The following ACAP1 variants were observed in gnomAD, a reference collection of about 807,000 sequenced individuals.
ACAP1 encodes arf-GAP with coiled-coil, ANK repeat and PH domain-containing protein 1.
Under a neutral mutation model 98.8 loss-of-function variants are expected in ACAP1, and 45 were observed. That is an observed-to-expected ratio of 0.46 (90% CI 0.36 to 0.58). The LOEUF is 0.58. Ranked by LOEUF, ACAP1 falls within the 20% of genes least tolerant of loss-of-function variation. The pLI, the probability that ACAP1 is intolerant of heterozygous loss-of-function variation, is 0.00. For missense variants in ACAP1, 735 were observed against 971.4 expected (o/e 0.76, Z 3.24); for synonymous variants, 362 against 375.3 (o/e 0.96, Z 0.41).
At chr17:7,340,301 C>T (rs2073263519) in intron 2 of ACAP1, among the ~76,000 whole-genome samples, 1 of 152,104 alleles carries the variant, frequency 6.6e-6, no homozygotes, top group Non-Finnish European at 1.5e-5. Context: ...AAGATGAATG[C>T]TCTTGAAGTT....
At chr17:7,341,879 GCAGGTGTGGGGGCATCAC>G in intron 2 of ACAP1, 51 bp from the exon 3 acceptor site, 2 of 1,594,688 alleles carry the variant, frequency 1.3e-6, no homozygotes, top group Non-Finnish European at 1.7e-6. Flanking sequence ...AGGAAGTGGG[GCAGGTGTGGGGGCATCAC>G]CAGGTGTGAG....
intron 2 of ACAP1, among the ~76,000 whole-genome samples, chr17:7,340,714 C>T (rs570083845): frequency 2.0e-5 from 3 of 152,032 alleles, no homozygotes; most frequent in East Asian, 1.9e-4. Context: ...GGCGTGGTGG[C>T]GGGCACCTGT....
In ACAP1 at chr17:7,351,012, C is replaced by T. The variant is rs369831718; in HGVS notation, c.2122+13C>T. 6.2e-7 allele frequency: 1 copy of T among 1,612,038 alleles called. No homozygotes were observed. Among genetic ancestry groups the T allele is most frequent in the Non-Finnish European group, 8.5e-7 (1 of 1,178,186 alleles). On this transcript the variant is annotated intron_variant, in intron 21 of 21. Coordinates refer to ENST00000158762, the MANE Select transcript of ACAP1 (RefSeq NM_014716.4). Reference sequence around the variant, plus strand: ...CAGGGGCAGGCAGGTAAAGAATACACCCACCCCACCCCCCAGGCCCAACAC... The same window carrying T: ...CAGGGGCAGGCAGGTAAAGAATACATCCACCCCACCCCCCAGGCCCAACAC...
chr17:7,343,490 A>T lies in ACAP1; in HGVS notation c.456A>T (p.Ala152=). The T allele has an allele frequency of 6.2e-7, 1 of 1,614,078 alleles. No individual in the cohort carries two copies. The highest frequency in any genetic ancestry group is 8.5e-7 in the Non-Finnish European group (1 of 1,179,988). Residue 152 remains alanine, a synonymous_variant, in exon 6 of 22, where the codon GCA becomes GCT. Transcript: ENST00000158762. The surrounding 1 kb of genome is among the most constrained non-coding windows in gnomAD (Gnocchi z 4.9). The stretch of plus-strand genomic sequence containing the variant: ...TTCCCAGGCGCCGGGCCCAGGAGGC[A>T]GAAGAGGCAGGAGCTGCTTTGAGGA... The part of the protein sequence containing the change: ...AEVPRRRAQE[A]EEAGAALRTA...
chr17:7,350,438 G>T lies in ACAP1; in HGVS notation c.2072+201G>T, dbSNP rs187981859. The T allele has an allele frequency of 8.7e-4, 515 of 588,824 alleles. 1 individual carries two copies. The highest frequency in any genetic ancestry group is 8.6e-3 in the African/African-American group (459 of 53,550). The allele number at this position is 588,824 out of a possible 1,614,324, so 36.5% of individuals were successfully genotyped here. A position where few individuals can be genotyped will look rare whatever the true frequency, so the allele number is the denominator to read the frequency against. ...TGGGACGTGGAGTAGAAGGCAGGCGGGAGGGCGGGCAGGGTGCAAGGATGC... is the reference window on the plus strand; with the variant it reads ...TGGGACGTGGAGTAGAAGGCAGGCGTGAGGGCGGGCAGGGTGCAAGGATGC... On this transcript the variant is annotated intron_variant, in intron 20 of 21. Coordinates refer to ENST00000158762, the MANE Select transcript of ACAP1 (RefSeq NM_014716.4). The surrounding 1 kb of genome is among the most constrained non-coding windows in gnomAD (Gnocchi z 4.6).
chr17:7,348,824 C>T, intron 17 of ACAP1, 171 bp from the exon 18 acceptor site: 1 of 638,572 alleles, frequency 1.6e-6, no homozygotes, highest in Non-Finnish European at 2.7e-6. Context: ...CGTACACATG[C>T]ATACGCATAC....
At position 7,344,508 on chromosome 17, in the gene ACAP1, C is replaced by T. The variant is rs1295288537; in HGVS notation, c.745-31C>T. 5 of 1,497,650 alleles carry T rather than the reference C, an allele frequency of 3.3e-6. No homozygotes were observed. Among genetic ancestry groups the T allele is most frequent in the Non-Finnish European group, 4.5e-6 (5 of 1,099,062 alleles). 92.8% of individuals were successfully genotyped at this position (1,497,650 alleles called of 1,614,324 possible). ...CTATGGCCTTGGTGTCTGCCCATCT[C>T]AGTTGCCCTTTGATCCTCTTGTGCC... On this transcript the variant is annotated intron_variant, in intron 9 of 21. Coordinates refer to ENST00000158762, the MANE Select transcript of ACAP1 (RefSeq NM_014716.4). The surrounding 1 kb of genome is among the most constrained non-coding windows in gnomAD (Gnocchi z 4.9).
In ACAP1 at chr17:7,346,301, T is replaced by C. The variant is rs751960846; in HGVS notation, c.906+6T>C. The C allele has an allele frequency of 1.1e-5, 17 of 1,614,064 alleles. No homozygotes were observed. Among genetic ancestry groups the C allele is most frequent in the Admixed American group, 3.3e-5 (2 of 59,998 alleles). Reference sequence around the variant, plus strand: ...TTTACCAGAAGAAGTACAAGGTGAGTGGACCTGGGTCCTGGATGCCTGGGC... The same window carrying C: ...TTTACCAGAAGAAGTACAAGGTGAGCGGACCTGGGTCCTGGATGCCTGGGC... On this transcript the variant is annotated splice_donor_region_variant and intron_variant, in intron 11 of 21. Coordinates refer to ENST00000158762, the MANE Select transcript of ACAP1 (RefSeq NM_014716.4).
chr17:7,343,300 A>C lies in ACAP1; in HGVS notation c.345-79A>C. 1 of 1,457,824 alleles carries C rather than the reference A, an allele frequency of 6.9e-7. No homozygotes were observed. Among genetic ancestry groups the C allele is most frequent in the African/African-American group, 1.4e-5 (1 of 70,924 alleles). 90.3% of individuals were successfully genotyped at this position (1,457,824 alleles called of 1,614,324 possible). ...CGTTGCAGAGACTAACTGAAAGGAC[A>C]TGAGGGCTTTACCCTGGGAATGCTC... On this transcript the variant is annotated intron_variant, in intron 5 of 21. Coordinates refer to ENST00000158762, the MANE Select transcript of ACAP1 (RefSeq NM_014716.4). The surrounding 1 kb of genome is among the most constrained non-coding windows in gnomAD (Gnocchi z 4.9).
Position 7,343,487 on chromosome 17 carries a change from G to C in ACAP1, c.453G>C (p.Glu151Asp). 1 of 1,614,136 alleles carries C rather than the reference G, an allele frequency of 6.2e-7. No homozygotes were observed. The highest frequency in any genetic ancestry group is 1.1e-5 in the South Asian group (1 of 91,086). Residue 151 changes from glutamate (E) to aspartate (D), a missense_variant, in exon 6 of 22, where the codon GAG becomes GAC. Glu to Asp is a conservative substitution (Grantham distance 45). Transcript: ENST00000158762. This position sits in a 1 kb window ranked among gnomAD's most constrained non-coding sequence, Gnocchi z 4.9. ...NAEVPRRRAQEAEEAGAALRT... is the reference protein window; with the variant it reads ...NAEVPRRRAQDAEEAGAALRT... Reference sequence around the variant, plus strand: ...AGGTTCCCAGGCGCCGGGCCCAGGAGGCAGAAGAGGCAGGAGCTGCTTTGA... The same window carrying C: ...AGGTTCCCAGGCGCCGGGCCCAGGACGCAGAAGAGGCAGGAGCTGCTTTGA...
chr17:7,343,403 T>C lies in ACAP1; in HGVS notation c.369T>C (p.Ala123=). ...VKEGLRGFRE[A]RRDFWRGAES... ...GAGGTCTGCGGGGTTTCCGAGAGGC[T>C]CGCCGGGATTTCTGGCGGGGGGCTG... The change falls in exon 6 of 22, where the codon GCT becomes GCC. Residue 123 remains alanine, a synonymous_variant. Transcript: ENST00000158762. The surrounding 1 kb of genome is among the most constrained non-coding windows in gnomAD (Gnocchi z 4.9). 6.2e-7 allele frequency: 1 copy of C among 1,613,468 alleles called. No individual in the cohort carries two copies. Among genetic ancestry groups the C allele is most frequent in the Non-Finnish European group, 8.5e-7 (1 of 1,179,852 alleles).
chr17:7,343,304 G>A lies in ACAP1; in HGVS notation c.345-75G>A. 7 of 1,476,828 alleles carry A rather than the reference G, an allele frequency of 4.7e-6. No homozygotes were observed. The highest frequency in any genetic ancestry group is 6.4e-6 in the Non-Finnish European group (7 of 1,086,168). The allele number at this position is 1,476,828 out of a possible 1,614,324, so 91.5% of individuals were successfully genotyped here. A position where few individuals can be genotyped will look rare whatever the true frequency, so the allele number is the denominator to read the frequency against. On this transcript the variant is annotated intron_variant, in intron 5 of 21. Coordinates refer to ENST00000158762, the MANE Select transcript of ACAP1 (RefSeq NM_014716.4). The surrounding 1 kb of genome is among the most constrained non-coding windows in gnomAD (Gnocchi z 4.9). Reference sequence around the variant, plus strand: ...GCAGAGACTAACTGAAAGGACATGAGGGCTTTACCCTGGGAATGCTCTGCT... The same window carrying A: ...GCAGAGACTAACTGAAAGGACATGAAGGCTTTACCCTGGGAATGCTCTGCT...
chr17:7,348,283 TGC>T (rs761593200), intron 16 of ACAP1, 21 bp from the exon 17 acceptor site: 5 of 1,601,764 alleles, frequency 3.1e-6, no homozygotes, highest in Non-Finnish European at 4.3e-6. Flanking sequence ...GAGGGAAGAC[TGC>T]GTGCTTCTCC....
Position 7,348,214 on chromosome 17 carries a change from TG to T in ACAP1, c.1502del (p.Cys501SerfsTer20), listed in dbSNP as rs1357102217. 1 of 1,613,616 alleles carries T rather than the reference TG, an allele frequency of 6.2e-7. No homozygotes were observed. The highest frequency in any genetic ancestry group is 8.5e-7 in the Non-Finnish European group (1 of 1,179,814). ...GGCAGTGAAGAAACCAGGGCCCAGC[TG>T]CTCCCGGTGAGCTTGGGGTTTAGCC... ...AMAVKKPGPSCSRQEKEAWIH... is the reference protein window; with the variant it reads ...AMAVKKPGPSXSRQEKEAWIH... On this transcript the variant is annotated frameshift_variant, in exon 16 of 22. Coordinates refer to ENST00000158762, the MANE Select transcript of ACAP1 (RefSeq NM_014716.4). LOFTEE classifies it high-confidence loss of function.
chr17:7,338,072 G>C (rs1567627441), intron 2 of ACAP1, among the ~76,000 whole-genome samples: 1 of 152,004 alleles, frequency 6.6e-6, no homozygotes, highest in African/African-American at 2.4e-5. Flanking sequence ...ACACTCAAAT[G>C]CTCTCTCATT....
intron 14 of ACAP1, 180 bp from the exon 15 acceptor site, chr17:7,347,742 C>CTA: frequency 3.3e-6 from 2 of 607,936 alleles, no homozygotes; most frequent in Non-Finnish European, 5.9e-6. Context: ...CAGAGTCCTG[C>CTA]CAGGGCCAGG....
chr17:7,348,095 CCT>C, intron 15 of ACAP1, 30 bp from the exon 16 acceptor site: 1 of 1,613,116 alleles, frequency 6.2e-7, no homozygotes, highest in Non-Finnish European at 8.5e-7. Flanking sequence ...CCCCACCTTC[CCT>C]GTCTCTGCCT....
Position 7,342,075 on chromosome 17 carries a change from G to A in ACAP1, c.231+8G>A, listed in dbSNP as rs764093338. 5.0e-6 allele frequency: 8 copies of A among 1,613,702 alleles called. No homozygotes were observed. The highest frequency in any genetic ancestry group is 6.8e-6 in the Non-Finnish European group (8 of 1,179,880). On this transcript the variant is annotated splice_region_variant and intron_variant, in intron 3 of 21. Coordinates refer to ENST00000158762, the MANE Select transcript of ACAP1 (RefSeq NM_014716.4). ...CCAGAGCCCATGATGGCGGTATGCGGAGGGTCTGCATCTGGGAGGGAAGGG... is the reference window on the plus strand; with the variant it reads ...CCAGAGCCCATGATGGCGGTATGCGAAGGGTCTGCATCTGGGAGGGAAGGG...
Position 7,342,464 on chromosome 17 carries a change from C to T in ACAP1, c.334C>T (p.Leu112=). The T allele has an allele frequency of 6.2e-7, 1 of 1,614,164 alleles. No homozygotes were observed. Among genetic ancestry groups the T allele is most frequent in the Non-Finnish European group, 8.5e-7 (1 of 1,180,022 alleles). The part of the protein sequence containing the change: ...QHTLQQQIQT[L]VKEGLRGFRE... ...CACACTGCAGCAGCAGATCCAGACCCTGGTCAAGGAGTGAGATGGGGCCGG... is the reference window on the plus strand; with the variant it reads ...CACACTGCAGCAGCAGATCCAGACCTTGGTCAAGGAGTGAGATGGGGCCGG... Residue 112 remains leucine (L), a synonymous_variant, in exon 5 of 22, where the codon CTG becomes TTG. Transcript: ENST00000158762.
Sources: allele counts gnomAD v4.1 joint callset (sites outside exome capture counted in the v4.1 genomes callset), GRCh38; gene constraint gnomAD v4.1.1; non-coding constraint Gnocchi (gnomAD v3.1); transcripts MANE v1.5; gene names NCBI Gene and HGNC (gene_info 2026-07-23, HGNC 2026-07-21).